THSD4: variants seen among roughly 807,000 people sequenced by gnomAD.
The protein encoded by THSD4 is thrombospondin type-1 domain-containing protein 4.
A neutral mutation model predicts 119.0 loss-of-function variants in THSD4; 69 were observed. The observed-to-expected ratio is 0.58, with a 90% CI of 0.48 to 0.71. The LOEUF (loss-of-function observed/expected upper bound fraction) is 0.71, where lower values mean the gene tolerates loss of function less well. THSD4 is among the 30% of genes least tolerant of loss of function. The probability of loss-of-function intolerance (pLI) is 0.00; values close to 1 mark genes in which losing one functional copy is unlikely to be tolerated. For synonymous variants in THSD4, 524 were observed against 540.4 expected (o/e 0.97, Z 0.42); for missense variants, 1,393 against 1,391.1 (o/e 1.00, Z -0.02).
chr15:71,215,587 A>C (rs1007256005), intron 4 of THSD4, among the ~76,000 whole-genome samples, 188 bp downstream of exon 4: 48 of 152,174 alleles, frequency 3.2e-4, no homozygotes, highest in Non-Finnish European at 5.3e-4. Context: ...CAGCCTTGTA[A>C]AGTGTTGAGG....
chr15:71,584,258 C>CT (rs1342424067), intron 7 of THSD4, among the ~76,000 whole-genome samples: 3 of 71,580 alleles, frequency 4.2e-5, no homozygotes, highest in African/African-American at 4.0e-5. Flanking sequence ...TTTTTTTTCA[C>CT]TTTCTTTTTT....
At chr15:71,473,744 G>C (rs2140646744) in intron 7 of THSD4, among the ~76,000 whole-genome samples, 1 of 152,276 alleles carries the variant, frequency 6.6e-6, no homozygotes, top group African/African-American at 2.4e-5. Context: ...TTGAAGCTTG[G>C]AGTAGTTTGA....
At position 71,468,465 on chromosome 15, in the gene THSD4, A is replaced by C. The variant is rs7161945; in HGVS notation, c.1152+56642A>C. Among the ~76,000 whole-genome samples the C allele has an allele frequency of 2.9e-3, 442 of 152,298 alleles. 1 individual carries two copies. Among genetic ancestry groups the C allele is most frequent in the African/African-American group, 9.7e-3 (404 of 41,564 alleles). Reference sequence around the variant, plus strand: ...CATATTTTTGGATAGCATGTCCAAAACACCACCAGAGGTGACTTTAACAAG... The same window carrying C: ...CATATTTTTGGATAGCATGTCCAAACCACCACCAGAGGTGACTTTAACAAG... On this transcript the variant is annotated intron_variant, in intron 7 of 17. Coordinates refer to ENST00000261862, the MANE Select transcript of THSD4 (RefSeq NM_024817.3).
chr15:71,716,474 T>A (rs2052609200), intron 8 of THSD4, among the ~76,000 whole-genome samples: 1 of 152,170 alleles, frequency 6.6e-6, no homozygotes, highest in Non-Finnish European at 1.5e-5. Flanking sequence ...AGGATTGCAC[T>A]GTAGTACTAC....
chr15:71,340,688 C>G (rs964900493), intron 6 of THSD4, among the ~76,000 whole-genome samples: 2 of 151,404 alleles, frequency 1.3e-5, no homozygotes, highest in African/African-American at 4.9e-5. Context: ...TTGCTGCAAC[C>G]TCTGCCTGCT....
Position 71,724,287 on chromosome 15 carries a change from A to ATATATATATATATTTTTT in THSD4, c.1358-4261_1358-4260insATATATATATATTTTTTT. 3.2e-4 allele frequency among the ~76,000 whole-genome samples: 12 copies of ATATATATATATATTTTTT among 37,288 alleles called. No individual in the cohort carries two copies. In the East Asian group the frequency reaches 5.3e-3, roughly 16 times the overall value. 24.5% of individuals were successfully genotyped at this position (37,288 alleles called of 152,430 possible). ...ATGGGATATATATATATATATATATATTTTTTTTTTCCCCCCAAGATGGAA... is the reference window on the plus strand; with the variant it reads ...ATGGGATATATATATATATATATATATATATATATATATTTTTTTTTTTTTTTTCCCCCCAAGATGGAA... On this transcript the variant is annotated intron_variant, in intron 8 of 17. Coordinates refer to ENST00000261862, the MANE Select transcript of THSD4 (RefSeq NM_024817.3).
intron 6 of THSD4, among the ~76,000 whole-genome samples, chr15:71,261,016 C>G (rs975533955): frequency 6.6e-6 from 1 of 152,192 alleles, no homozygotes; most frequent in African/African-American, 2.4e-5. Context: ...GCAGGAGAAT[C>G]ACTTGAACCC....
chr15:71,737,950 C>T lies in THSD4; in HGVS notation c.1849C>T (p.Arg617Trp), dbSNP rs755297667. 28 of 1,613,920 alleles carry T rather than the reference C, an allele frequency of 1.7e-5. No individual in the cohort carries two copies. Among genetic ancestry groups the T allele is most frequent in the African/African-American group, 2.7e-5 (2 of 74,948 alleles). Residue 617 changes from arginine (R) to tryptophan (W), a missense_variant, in exon 11 of 18, where the codon CGG (arginine) becomes TGG (tryptophan). Transcript: ENST00000261862. ...AGCACCGCAGCCCCCACGGCGCAGC[C>T]GGGATCACAACTGGAAGCAGCTTGG... ...PPAPQPPRRS[R>W]DHNWKQLGTT...
intron 7 of THSD4, among the ~76,000 whole-genome samples, chr15:71,561,115 C>T (rs1367885411): frequency 6.6e-6 from 1 of 152,014 alleles, no homozygotes; most frequent in East Asian, 1.9e-4. Flanking sequence ...GCTGGGACTA[C>T]AGGCGCCTGC....
chr15:71,387,592 T>C (rs868440642), intron 6 of THSD4, among the ~76,000 whole-genome samples: 1 of 152,234 alleles, frequency 6.6e-6, no homozygotes, highest in African/African-American at 2.4e-5. Flanking sequence ...GTATGAATTA[T>C]GTTGCCTGAT....
At chr15:71,399,336 A>T (rs1243448066) in intron 6 of THSD4, among the ~76,000 whole-genome samples, 3 of 152,180 alleles carry the variant, frequency 2.0e-5, no homozygotes, top group Non-Finnish European at 4.4e-5. Flanking sequence ...CTAGACATAT[A>T]AAATTTACAA....
rs200521592 is a variant in THSD4 at position 71,256,686 on chromosome 15, G to A, written c.986G>A (p.Arg329Gln). ...TACAACAACAAGCCATTCATGGGCC[G>A]GTTTTATGAGTGGGAACCATTTGCA... ...ASYNNKPFMGRFYEWEPFAEV... is the reference protein window; with the variant it reads ...ASYNNKPFMGQFYEWEPFAEV... Residue 329 changes from arginine to glutamine, a missense_variant, in exon 6 of 18, where the codon CGG becomes CAG. Transcript: ENST00000261862. The A allele has an allele frequency of 6.2e-5, 100 of 1,613,826 alleles. No individual in the cohort carries two copies. Among genetic ancestry groups the A allele is most frequent in the Non-Finnish European group, 7.8e-5 (92 of 1,179,866 alleles).
chr15:71,556,083 T>A (rs1020550242), intron 7 of THSD4, among the ~76,000 whole-genome samples: 1 of 152,202 alleles, frequency 6.6e-6, no homozygotes, highest in African/African-American at 2.4e-5. Flanking sequence ...GCAAATCAGT[T>A]CGCATTATTC....
chr15:71,492,154 G>C (rs1398110726), intron 7 of THSD4, among the ~76,000 whole-genome samples: 5 of 151,798 alleles, frequency 3.3e-5, no homozygotes, highest in Non-Finnish European at 7.4e-5. Context: ...TTGATGTTTT[G>C]ACATTTTCTT....
intron 16 of THSD4, among the ~76,000 whole-genome samples, chr15:71,770,732 A>G (rs1471375819): frequency 1.3e-5 from 2 of 152,334 alleles, no homozygotes; most frequent in Admixed American, 1.3e-4. Context: ...AGAATAAGAA[A>G]TTATTGTAAT....
At chr15:71,392,968 G>A (rs1010746751) in intron 6 of THSD4, among the ~76,000 whole-genome samples, 4 of 152,220 alleles carry the variant, frequency 2.6e-5, no homozygotes, top group African/African-American at 9.6e-5. Flanking sequence ...TTGAGAGGGA[G>A]CCGGGACTGC....
chr15:71,448,726 G>C (rs570611463), intron 7 of THSD4, among the ~76,000 whole-genome samples: 1 of 152,250 alleles, frequency 6.6e-6, no homozygotes, highest in East Asian at 1.9e-4. Context: ...GGGACTTTTA[G>C]GAAGATGTAG....
At chr15:71,329,163 AT>A (rs1352175865) in intron 6 of THSD4, among the ~76,000 whole-genome samples, 1 of 152,168 alleles carries the variant, frequency 6.6e-6, no homozygotes, top group Non-Finnish European at 1.5e-5. Flanking sequence ...TTAAATTTAG[AT>A]AAAAATCAGT....
chr15:71,359,432 T>C (rs916221506), intron 6 of THSD4, among the ~76,000 whole-genome samples: 1 of 152,192 alleles, frequency 6.6e-6, no homozygotes, highest in Non-Finnish European at 1.5e-5. Flanking sequence ...TTCGTACCAT[T>C]TTACAGATGA....
Sources: gnomAD v4.1 joint callset for allele counts (sites outside exome capture counted in the v4.1 genomes callset) on GRCh38, gnomAD v4.1.1 for gene constraint, MANE v1.5 for transcripts, NCBI Gene and HGNC (gene_info 2026-07-23, HGNC 2026-07-21) for gene names.